Variants in TMPRSS11D observed in about 807,000 individuals in gnomAD.
The protein encoded by TMPRSS11D is transmembrane protease serine 11D.
Under a neutral mutation model 44.4 loss-of-function variants are expected in TMPRSS11D, and 32 were observed. The observed-to-expected ratio is 0.72, with a 90% CI of 0.54 to 0.97. The LOEUF (loss-of-function observed/expected upper bound fraction) is 0.97, where lower values mean the gene tolerates loss of function less well. Ranked by LOEUF, TMPRSS11D falls within the 50% of genes least tolerant of loss-of-function variation. The pLI is 0.00. For synonymous variants in TMPRSS11D, 179 were observed against 177.9 expected, an observed-to-expected ratio of 1.01 and a Z score of -0.05; for missense variants, 446 against 502.6, an observed-to-expected ratio of 0.89 and a Z score of 1.08.
intron 1 of TMPRSS11D, among the ~76,000 whole-genome samples, chr4:67,877,080 A>G (rs796654037): frequency 1.1e-4 from 16 of 152,200 alleles, no homozygotes; most frequent in African/African-American, 3.6e-4. Flanking sequence ...GTAACTTGAA[A>G]CGGGCGATAG....
chr4:67,852,420 G>T (rs371356663), intron 3 of TMPRSS11D, among the ~76,000 whole-genome samples: 10 of 152,148 alleles, frequency 6.6e-5, no homozygotes, highest in African/African-American at 2.4e-4. Context: ...GATTTAGTAT[G>T]TCTTGGTGAG....
chr4:67,883,887 T>C, intron 1 of TMPRSS11D, 39 bp downstream of exon 1: 3 of 1,553,734 alleles, frequency 1.9e-6, no homozygotes, highest in Admixed American at 1.8e-5. Context: ...TAAGATATAG[T>C]AAAACTTTTA....
chr4:67,842,690 C>A, intron 3 of TMPRSS11D, 65 bp from the exon 4 acceptor site: 1 of 1,426,482 alleles, frequency 7.0e-7, no homozygotes, highest in South Asian at 1.2e-5. Flanking sequence ...TCCTCTCAAC[C>A]TTGCAACATG....
intron 1 of TMPRSS11D, among the ~76,000 whole-genome samples, chr4:67,871,839 A>G (rs1349471396): frequency 1.3e-5 from 2 of 152,132 alleles, no homozygotes; most frequent in Non-Finnish European, 2.9e-5. Context: ...AACAGAACAA[A>G]GGGAAATATT....
chr4:67,829,376 G>A (rs959260599), intron 7 of TMPRSS11D, among the ~76,000 whole-genome samples: 4 of 150,038 alleles, frequency 2.7e-5, no homozygotes, highest in Admixed American at 2.0e-4. Context: ...TCATATATAG[G>A]TATATGTATG....
At chr4:67,870,834 G>T (rs960385308) in intron 1 of TMPRSS11D, among the ~76,000 whole-genome samples, 16 of 139,092 alleles carry the variant, frequency 1.2e-4, no homozygotes, top group African/African-American at 4.4e-4. Flanking sequence ...AAAAAAAATT[G>T]CACCTCCTCT....
chr4:67,833,517 A>G lies in TMPRSS11D; in HGVS notation c.515-136T>C, dbSNP rs138505736. On this transcript the variant is annotated intron_variant, in intron 6 of 9. Coordinates refer to ENST00000283916, the MANE Select transcript of TMPRSS11D (RefSeq NM_004262.3). ...TCAGGACATGCTGGATTTTCCAAAAAGCATGATCGATATATTTCTACAATG... is the reference window on the plus strand; with the variant it reads ...TCAGGACATGCTGGATTTTCCAAAAGGCATGATCGATATATTTCTACAATG... 4 of 744,808 alleles carry G rather than the reference A, an allele frequency of 5.4e-6. No individual in the cohort carries two copies. In the East Asian group the frequency reaches 1.3e-4, roughly 23 times the overall value. The allele number at this position is 744,808 out of a possible 1,614,324, so 46.1% of individuals were successfully genotyped here. A position where few individuals can be genotyped will look rare whatever the true frequency, so the allele number is the denominator to read the frequency against.
intron 1 of TMPRSS11D, among the ~76,000 whole-genome samples, chr4:67,880,165 C>T (rs946941512): frequency 2.0e-5 from 3 of 152,106 alleles, no homozygotes; most frequent in South Asian, 4.1e-4. Flanking sequence ...AAGGTCAGTT[C>T]GTAGACAGGA....
chr4:67,873,421 T>G (rs1719107896), intron 1 of TMPRSS11D, among the ~76,000 whole-genome samples: 1 of 152,212 alleles, frequency 6.6e-6, no homozygotes, highest in African/African-American at 2.4e-5. Flanking sequence ...TGTACCCATC[T>G]CTTCCATTCT....
chr4:67,833,379 A>G lies in TMPRSS11D; in HGVS notation c.517T>C (p.Cys173Arg), dbSNP rs761291610. ...QAAANWLINE[C>R]GAGPDLITLS... The stretch of plus-strand genomic sequence containing the variant: ...GTTATTAGGTCTGGACCGGCCCCAC[A>G]TTCTAATGAGAAAGGGCATTAATGT... The change falls in exon 7 of 10, where the codon TGT (cysteine) becomes CGT (arginine). Residue 173 changes from cysteine (C) to arginine (R), a missense_variant and splice_region_variant. Physicochemically the swap from Cys to Arg is radical, Grantham distance 180 (BLOSUM62 -3). Transcript: ENST00000283916. The G allele has an allele frequency of 7.4e-6, 11 of 1,492,922 alleles. No homozygotes were observed. Among genetic ancestry groups the G allele is most frequent in the Non-Finnish European group, 9.8e-6 (11 of 1,119,526 alleles). 92.5% of individuals were successfully genotyped at this position (1,492,922 alleles called of 1,614,324 possible).
chr4:67,833,779 C>T (rs1718006264), intron 6 of TMPRSS11D, among the ~76,000 whole-genome samples: 1 of 152,048 alleles, frequency 6.6e-6, no homozygotes, highest in Admixed American at 6.6e-5. Flanking sequence ...CATGGGCATC[C>T]CCTGGAAACT....
intron 3 of TMPRSS11D, among the ~76,000 whole-genome samples, chr4:67,853,506 C>A (rs761742424): frequency 2.0e-5 from 3 of 152,154 alleles, no homozygotes; most frequent in Non-Finnish European, 2.9e-5. Context: ...TAAAGGGCAG[C>A]CCCTAGTTTG....
At chr4:67,880,591 G>A (rs1363392338) in intron 1 of TMPRSS11D, among the ~76,000 whole-genome samples, 2 of 152,022 alleles carry the variant, frequency 1.3e-5, no homozygotes, top group African/African-American at 4.8e-5. Flanking sequence ...AACTTGTCTA[G>A]TTTAGGAAAA....
chr4:67,861,768 G>A (rs2109691176), intron 1 of TMPRSS11D, among the ~76,000 whole-genome samples: 1 of 152,196 alleles, frequency 6.6e-6, no homozygotes, highest in East Asian at 1.9e-4. Flanking sequence ...AACAAAGGGT[G>A]TGGAGCCCAA....
At chr4:67,846,100 C>T (rs1718350722) in intron 3 of TMPRSS11D, among the ~76,000 whole-genome samples, 1 of 152,070 alleles carries the variant, frequency 6.6e-6, no homozygotes, top group Admixed American at 6.5e-5. Flanking sequence ...ACAACTTTCT[C>T]TTTCGTTTCA....
chr4:67,826,081 C>CT (rs922753526), intron 8 of TMPRSS11D, among the ~76,000 whole-genome samples: 6 of 151,104 alleles, frequency 4.0e-5, no homozygotes, highest in Admixed American at 3.3e-4. Flanking sequence ...GTTTTTTTTT[C>CT]TTTTTTTTCT....
chr4:67,873,482 A>G (rs1837613), intron 1 of TMPRSS11D, among the ~76,000 whole-genome samples: 150,982 of 152,266 alleles, frequency 0.99, 74,865 homozygotes, highest in East Asian at 1. Context: ...AATGAATGAT[A>G]GAGTAGAATA....
At chr4:67,827,553 G>A (rs201580337) in intron 7 of TMPRSS11D, 33 bp from the exon 8 acceptor site, 27 of 1,543,368 alleles carry the variant, frequency 1.7e-5, no homozygotes, top group Non-Finnish European at 2.3e-5. Flanking sequence ...TATATGAGTA[G>A]GGAATTTGTG....
chr4:67,870,673 G>T (rs1182213474), intron 1 of TMPRSS11D, among the ~76,000 whole-genome samples: 1 of 152,086 alleles, frequency 6.6e-6, no homozygotes, highest in African/African-American at 2.4e-5. Context: ...AATTAGCCGG[G>T]CGTGGTGGCG....
Sources: gnomAD v4.1 joint callset for allele counts (sites outside exome capture counted in the v4.1 genomes callset) on GRCh38, gnomAD v4.1.1 for gene constraint, MANE v1.5 for transcripts, NCBI Gene and HGNC (gene_info 2026-07-23, HGNC 2026-07-21) for gene names.